DOCK7: variants seen among roughly 807,000 people sequenced by gnomAD.
DOCK7 encodes dedicator of cytokinesis protein 7.
DOCK7 carries 138 observed loss-of-function variants against 271.0 expected under a neutral mutation model. That is an observed-to-expected ratio of 0.51 (90% CI 0.44 to 0.59). The LOEUF (loss-of-function observed/expected upper bound fraction) is 0.59. Among genes scored for constraint, DOCK7 ranks in the 20% least tolerant of loss-of-function variants. The pLI is 0.00. For synonymous variants in DOCK7, 823 were observed against 876.1 expected (o/e 0.94, Z 1.07); for missense variants, 2,066 against 2,592.4 (o/e 0.80, Z 4.41).
chr1:62,457,571 A>T lies in DOCK7; in HGVS notation c.6347T>A (p.Leu2116Ter). ...QPLINRKIPQ[L>*]YKAVLPVTCH... is the part of the protein sequence containing the mutation. ...GGTGACAGGCAATACTGCCTTGTAT[A>T]ACTGAGGGATCTTTCTGTTGATCAG... The change falls in exon 49 of 50, where the codon TTA becomes TAA. Residue 2116 changes from leucine (L) to a stop codon, truncating the protein, a stop_gained. Coordinates refer to ENST00000635253, the MANE Select transcript of DOCK7 (RefSeq NM_001367561.1). LOFTEE classifies it high-confidence loss of function. 1 of 1,614,162 alleles carries T rather than the reference A, an allele frequency of 6.2e-7. No homozygotes were observed. The highest frequency in any genetic ancestry group is 8.5e-7 in the Non-Finnish European group (1 of 1,180,030).
At position 62,513,456 on chromosome 1, in the gene DOCK7, C is replaced by G. The variant is rs750334480; in HGVS notation, c.4270G>C (p.Ala1424Pro). 3 of 1,592,836 alleles carry G rather than the reference C, an allele frequency of 1.9e-6. No homozygotes were observed. The South Asian group carries it at 3.5e-5, about 18-fold the overall frequency. The change falls in exon 33 of 50, where the codon GCT (alanine) becomes CCT (proline). Residue 1424 changes from alanine to proline, a missense_variant. Around this residue, in one of 2 missense-constraint regions of DOCK7, gnomAD observed 652 missense variants for 922.1 expected, o/e 0.71. Transcript: ENST00000635253. ...AAGAAATTCTCACCAGGAGGAGAAG[C>G]TATTGTGTACGTACCGAGCTGTCCT... ...SRGQLGTYTI[A>P]SPPERSPSGS...
intron 48 of DOCK7, among the ~76,000 whole-genome samples, chr1:62,461,843 G>A (rs182211216): frequency 0.011 from 1,700 of 150,866 alleles, 40 homozygotes; most frequent in African/African-American, 0.039. Context: ...AGGCAGAGGC[G>A]GGCGGATCAC....
At chr1:62,624,865 G>A (rs1467419241) in intron 12 of DOCK7, among the ~76,000 whole-genome samples, 1 of 152,036 alleles carries the variant, frequency 6.6e-6, no homozygotes, top group Non-Finnish European at 1.5e-5. Flanking sequence ...CAGCTACTCA[G>A]GAGGCTGAGG....
At chr1:62,639,459 G>A (rs1292531449) in intron 7 of DOCK7, among the ~76,000 whole-genome samples, 1 of 107,710 alleles carries the variant, frequency 9.3e-6, no homozygotes, top group African/African-American at 4.2e-5. Context: ...TTTTGAGATG[G>A]AGTCTCGCTC....
chr1:62,619,295 A>G (rs139681284), intron 13 of DOCK7, among the ~76,000 whole-genome samples: 1 of 152,330 alleles, frequency 6.6e-6, no homozygotes, highest in East Asian at 1.9e-4. Flanking sequence ...TTACCATTCT[A>G]TTACCATTCT....
chr1:62,561,843 A>G, intron 18 of DOCK7, 140 bp from the exon 19 acceptor site: 1 of 472,280 alleles, frequency 2.1e-6, no homozygotes, highest in Admixed American at 4.4e-5. Context: ...AAGAACTTTT[A>G]TATTTCATTC....
At chr1:62,547,772 T>G (rs1645759274) in intron 22 of DOCK7, among the ~76,000 whole-genome samples, 1 of 152,204 alleles carries the variant, frequency 6.6e-6, no homozygotes, top group South Asian at 2.1e-4. Context: ...AATATAAGTA[T>G]GAAGAAGTCT....
At chr1:62,665,228 A>G (rs1659154320) in intron 1 of DOCK7, among the ~76,000 whole-genome samples, 1 of 151,992 alleles carries the variant, frequency 6.6e-6, no homozygotes, top group South Asian at 2.1e-4. Flanking sequence ...ACCTCAGGTG[A>G]GCCACCCACC....
intron 28 of DOCK7, 24 bp from the exon 29 acceptor site, chr1:62,535,656 A>G (rs757778501): frequency 1.3e-5 from 21 of 1,608,310 alleles, no homozygotes; most frequent in Non-Finnish European, 1.7e-5. Context: ...AGGCAGAACA[A>G]GACTATAACA....
chr1:62,536,256 A>G (rs1645343441), intron 28 of DOCK7, among the ~76,000 whole-genome samples: 1 of 152,186 alleles, frequency 6.6e-6, no homozygotes, highest in Non-Finnish European at 1.5e-5. Flanking sequence ...TAAGAATATA[A>G]AACTCTTCTT....
At chr1:62,579,091 T>G in intron 16 of DOCK7, 125 bp from the exon 17 acceptor site, 2 of 928,744 alleles carry the variant, frequency 2.2e-6, no homozygotes, top group Non-Finnish European at 2.9e-6. Context: ...GTCCAAAATA[T>G]TTTTCTTTAT....
At chr1:62,509,296 G>C (rs1363691356) in intron 34 of DOCK7, among the ~76,000 whole-genome samples, 2 of 119,878 alleles carry the variant, frequency 1.7e-5, no homozygotes, top group Admixed American at 1.9e-4. Flanking sequence ...CTGAGTGACA[G>C]AGTGAGATCT....
chr1:62,465,182 G>A (rs1335985575), intron 48 of DOCK7, among the ~76,000 whole-genome samples: 2 of 152,198 alleles, frequency 1.3e-5, no homozygotes, highest in Non-Finnish European at 2.9e-5. Flanking sequence ...TGCTTAAAAT[G>A]CCATGTGATG....
chr1:62,587,745 G>C (rs1032182409), intron 14 of DOCK7, among the ~76,000 whole-genome samples: 1 of 152,080 alleles, frequency 6.6e-6, no homozygotes, highest in African/African-American at 2.4e-5. Flanking sequence ...TATACAGTGA[G>C]GAAGAAGCAG....
At chr1:62,466,806 A>G (rs1645690002) in intron 48 of DOCK7, among the ~76,000 whole-genome samples, 1 of 152,130 alleles carries the variant, frequency 6.6e-6, no homozygotes, top group Non-Finnish European at 1.5e-5. Flanking sequence ...CTATAATCCC[A>G]GCTACTCAGG....
At chr1:62,535,322 T>C (rs1418103177) in intron 29 of DOCK7, among the ~76,000 whole-genome samples, 171 bp downstream of exon 29, 1 of 152,160 alleles carries the variant, frequency 6.6e-6, no homozygotes, top group Non-Finnish European at 1.5e-5. Flanking sequence ...AAGTCTTTCA[T>C]AAAACTGATT....
intron 14 of DOCK7, chr1:62,600,913 G>T: frequency 3.8e-6 from 2 of 526,914 alleles, no homozygotes; most frequent in Non-Finnish European, 6.9e-6. Context: ...TAAATATTTT[G>T]AGAACAGGTA....
chr1:62,465,211 G>A lies in DOCK7; in HGVS notation c.6213-7506C>T, dbSNP rs1162121153. Among the ~76,000 whole-genome samples the A allele has an allele frequency of 2.6e-5, 4 of 152,198 alleles. No individual in the cohort carries two copies. The East Asian group carries it at 7.7e-4, about 29-fold the overall frequency. On this transcript the variant is annotated intron_variant, in intron 48 of 49. Coordinates refer to ENST00000635253, the MANE Select transcript of DOCK7 (RefSeq NM_001367561.1). The stretch of plus-strand genomic sequence containing the variant: ...TGTGATGCTACTTATCTCCAGGTGA[G>A]CAGTTGTTGCTGCAGTAAATTGCAT...
intron 20 of DOCK7, among the ~76,000 whole-genome samples, chr1:62,558,251 T>G (rs1646211922): frequency 6.6e-6 from 1 of 152,164 alleles, no homozygotes; most frequent in Non-Finnish European, 1.5e-5. Context: ...TGGAATAATA[T>G]TTACCTGTCA....
Sources: gnomAD v4.1 joint callset for allele counts (sites outside exome capture counted in the v4.1 genomes callset) on GRCh38, gnomAD v4.1.1 for gene constraint, gnomAD v4.1.1 regional missense constraint, MANE v1.5 for transcripts, NCBI Gene and HGNC (gene_info 2026-07-23, HGNC 2026-07-21) for gene names.